The following TPRG1 variants were observed in gnomAD, a reference collection of about 807,000 sequenced individuals.
The protein encoded by TPRG1 is tumor protein p63 regulated 1.
Under a neutral mutation model 29.3 loss-of-function variants are expected in TPRG1, and 29 were observed. The observed-to-expected ratio is 0.99, with a 90% CI of 0.74 to 1.35. The LOEUF is 1.35. TPRG1 is among the 40% of genes most tolerant of loss of function. The probability of loss-of-function intolerance (pLI) is 0.00; values close to 1 mark genes in which losing one functional copy is unlikely to be tolerated. For missense variants in TPRG1, 327 were observed against 335.0 expected (o/e 0.98, Z 0.19); for synonymous variants, 130 against 116.8 (o/e 1.11, Z -0.73).
chr3:189,020,982 A>G (rs1368151100), intron 3 of TPRG1, among the ~76,000 whole-genome samples: 6 of 147,272 alleles, frequency 4.1e-5, no homozygotes, highest in African/African-American at 1.5e-4. Context: ...TTACCATTAT[A>G]TAATGGCCTT....
chr3:189,098,343 C>T (rs1718825487), upstream of TPRG1, among the ~76,000 whole-genome samples: 1 of 152,166 alleles, frequency 6.6e-6, no homozygotes, highest in South Asian at 2.1e-4. Context: ...GGTAGGAGAG[C>T]ATGATGTCAT....
chr3:189,041,854 T>A (rs1379445987), intron 4 of TPRG1, among the ~76,000 whole-genome samples: 2 of 152,322 alleles, frequency 1.3e-5, no homozygotes, highest in East Asian at 3.9e-4. Context: ...GCAGAACTGT[T>A]TATTTCCTTA....
At chr3:189,174,578 C>A (rs1729237638) in intron 1 of TPRG1, among the ~76,000 whole-genome samples, 2 of 152,172 alleles carry the variant, frequency 1.3e-5, no homozygotes, top group African/African-American at 4.8e-5. Context: ...TAATGACAGA[C>A]CAGGCTACAG....
chr3:189,134,403 C>CTTTT (rs56318082), intron 3 of TPRG1, among the ~76,000 whole-genome samples: 2 of 121,150 alleles, frequency 1.7e-5, no homozygotes, highest in Non-Finnish European at 3.4e-5. Flanking sequence ...TGGGGGTATC[C>CTTTT]TTTTTTTTTT....
intron 5 of TPRG1, among the ~76,000 whole-genome samples, chr3:189,315,135 G>A (rs2109340567): frequency 6.6e-6 from 1 of 152,152 alleles, no homozygotes; most frequent in East Asian, 1.9e-4. Flanking sequence ...TTCCAACCTA[G>A]ATGACAGAGC....
intron 1 of TPRG1, among the ~76,000 whole-genome samples, chr3:189,178,730 C>T (rs926371989): frequency 1.3e-5 from 2 of 152,148 alleles, no homozygotes; most frequent in Non-Finnish European, 2.9e-5. Flanking sequence ...AAGTTGAGTT[C>T]ATGGTTCTCT....
At chr3:189,078,328 G>A (rs1331538337) in intron 4 of TPRG1, among the ~76,000 whole-genome samples, 2 of 151,682 alleles carry the variant, frequency 1.3e-5, no homozygotes, top group Non-Finnish European at 2.9e-5. Flanking sequence ...AGTAGAGATG[G>A]GGTTTCACCA....
intron 1 of TPRG1, chr3:189,121,348 T>A (rs1297013952): frequency 3.3e-5 from 5 of 152,184 alleles, no homozygotes; most frequent in Non-Finnish European, 5.9e-5. Context: ...GAGTTTTATG[T>A]GATGGAATTT....
chr3:189,221,987 T>G (rs1197431750), intron 3 of TPRG1, among the ~76,000 whole-genome samples: 1 of 151,798 alleles, frequency 6.6e-6, no homozygotes, highest in Non-Finnish European at 1.5e-5. Flanking sequence ...TTTTTTCATC[T>G]CCCAATACAG....
upstream of TPRG1, among the ~76,000 whole-genome samples, chr3:189,169,823 A>ACTAAGCTACTTGCCT (rs1424751253): frequency 6.6e-6 from 1 of 152,116 alleles, no homozygotes; most frequent in Non-Finnish European, 1.5e-5. Context: ...CTTGGGGAAA[A>ACTAAGCTACTTGCCT]CTAAGCTACT....
chr3:189,024,119 G>C (rs2152126261), intron 4 of TPRG1, among the ~76,000 whole-genome samples: 1 of 152,350 alleles, frequency 6.6e-6, no homozygotes, highest in Middle Eastern at 3.4e-3. Flanking sequence ...CAGCAAAGGT[G>C]GTGGCCCACC....
At chr3:189,047,691 T>G (rs188178625) in intron 4 of TPRG1, among the ~76,000 whole-genome samples, 139 of 152,368 alleles carry the variant, frequency 9.1e-4, no homozygotes, top group African/African-American at 3.2e-3. Context: ...TCTAAGTTTA[T>G]GTAATAGTTT....
chr3:189,163,160 C>T (rs1727707400), intron 5 of TPRG1, among the ~76,000 whole-genome samples: 1 of 152,152 alleles, frequency 6.6e-6, no homozygotes, highest in African/African-American at 2.4e-5. Context: ...GTAATCCCAG[C>T]TACTTGGGAG....
intron 2 of TPRG1, among the ~76,000 whole-genome samples, chr3:189,212,551 G>T (rs1560559447): frequency 7.2e-6 from 1 of 139,760 alleles, no homozygotes; most frequent in African/African-American, 2.7e-5. Context: ...ATCCTGTGAA[G>T]ATTGTAAAAA....
intron 1 of TPRG1, among the ~76,000 whole-genome samples, chr3:189,123,072 T>G (rs1722024435): frequency 6.6e-6 from 1 of 152,230 alleles, no homozygotes; most frequent in Non-Finnish European, 1.5e-5. Context: ...TTCAGTCCAG[T>G]GGTGTTTTTC....
At chr3:189,295,479 G>T (rs1719737995) in intron 4 of TPRG1, among the ~76,000 whole-genome samples, 1 of 130,692 alleles carries the variant, frequency 7.7e-6, no homozygotes, top group African/African-American at 3.1e-5. Context: ...AAACTCTATT[G>T]GGTACTACTC....
intron 1 of TPRG1, among the ~76,000 whole-genome samples, chr3:189,000,347 T>C (rs1011001896): frequency 1.3e-5 from 2 of 152,128 alleles, no homozygotes; most frequent in African/African-American, 4.8e-5. Context: ...AAAGGGCTAA[T>C]TTATTTCAGC....
Position 189,310,508 on chromosome 3 carries a change from A to G in TPRG1, c.602A>G (p.Tyr201Cys), listed in dbSNP as rs1722314073. The G allele has an allele frequency of 1.2e-6, 2 of 1,611,210 alleles. No individual in the cohort carries two copies. The highest frequency in any genetic ancestry group is 1.7e-6 in the Non-Finnish European group (2 of 1,178,890). Reference protein sequence around the residue: ...YATFTEHPMKYTSEKFLEICK... With the variant: ...YATFTEHPMKCTSEKFLEICK... ...ACTTTCACTGAGCATCCTATGAAATACACCAGTGAGAAATTCCTTGAAATT... is the reference window on the plus strand; with the variant it reads ...ACTTTCACTGAGCATCCTATGAAATGCACCAGTGAGAAATTCCTTGAAATT... Residue 201 changes from tyrosine to cysteine, a missense_variant, in exon 5 of 6, where the codon TAC becomes TGC. Physicochemically the swap from Tyr to Cys is radical, Grantham distance 194 (BLOSUM62 -2). Transcript: ENST00000345063.
At chr3:189,092,754 G>C (rs1002356670) in intron 4 of TPRG1, among the ~76,000 whole-genome samples, 3 of 152,054 alleles carry the variant, frequency 2.0e-5, no homozygotes, top group Non-Finnish European at 2.9e-5. Flanking sequence ...CATAAGCTAG[G>C]GGAGAGCGCT....
Sources: gnomAD v4.1 joint callset for allele counts (sites outside exome capture counted in the v4.1 genomes callset) on GRCh38, gnomAD v4.1.1 for gene constraint, MANE v1.5 for transcripts, NCBI Gene and HGNC (gene_info 2026-07-23, HGNC 2026-07-21) for gene names.